Variants in SH3GL3 observed in about 807,000 individuals in gnomAD.
SH3GL3 encodes the protein SH3 domain containing GRB2 like 3, endophilin A3.
SH3GL3 carries 33 observed loss-of-function variants against 47.7 expected under a neutral mutation model. The ratio of observed to expected loss-of-function variants is 0.69; its 90% CI spans 0.52 to 0.92. The LOEUF (loss-of-function observed/expected upper bound fraction) is 0.92, where lower values mean the gene tolerates loss of function less well. SH3GL3 is among the 40% of genes least tolerant of loss of function. The probability of loss-of-function intolerance (pLI) is 0.00; values close to 1 mark genes in which losing one functional copy is unlikely to be tolerated. For missense variants in SH3GL3, 363 were observed against 417.8 expected (o/e 0.87, Z 1.14); for synonymous variants, 155 against 148.8 (o/e 1.04, Z -0.30).
chr15:83,498,009 T>C (rs1246374977), intron 1 of SH3GL3, among the ~76,000 whole-genome samples: 1 of 152,174 alleles, frequency 6.6e-6, no homozygotes, highest in African/African-American at 2.4e-5. Context: ...AGTTTGCTCT[T>C]GGTCATCTAG....
the SH3GL3 span, among the ~76,000 whole-genome samples, chr15:83,627,161 G>A: frequency 4.6e-5 from 7 of 152,236 alleles, no homozygotes; most frequent in South Asian, 1.5e-3. Flanking sequence ...ACTTTGGGAG[G>A]CCGAGGCGGG....
intron 1 of SH3GL3, among the ~76,000 whole-genome samples, chr15:83,527,856 T>A (rs2043494980): frequency 6.6e-6 from 1 of 152,164 alleles, no homozygotes; most frequent in Admixed American, 6.5e-5. Context: ...AATCTCTTTT[T>A]TTTTCCTCAT....
chr15:83,497,391 A>G (rs1011262295), intron 1 of SH3GL3, among the ~76,000 whole-genome samples: 3 of 151,862 alleles, frequency 2.0e-5, no homozygotes, highest in Non-Finnish European at 2.9e-5. Context: ...CTCTTCTTCC[A>G]CGCCCCCCTT....
At chr15:83,581,999 T>C (rs558983410) in intron 6 of SH3GL3, among the ~76,000 whole-genome samples, 15 of 152,332 alleles carry the variant, frequency 9.8e-5, no homozygotes, top group Non-Finnish European at 2.1e-4. Flanking sequence ...CCAGGCCAAG[T>C]TGGGCTTGGC....
chr15:83,588,946 A>G (rs2060021329), intron 8 of SH3GL3, among the ~76,000 whole-genome samples, 175 bp downstream of exon 8: 1 of 152,094 alleles, frequency 6.6e-6, no homozygotes, highest in Non-Finnish European at 1.5e-5. Context: ...TTCCCTGGGG[A>G]AGAATTCTAT....
Position 83,507,446 on chromosome 15 carries a change from C to T in SH3GL3, c.46-51807C>T, listed in dbSNP as rs140292550. 8.3e-3 allele frequency among the ~76,000 whole-genome samples: 1,248 copies of T among 150,274 alleles called. 11 individuals carry two copies. Among genetic ancestry groups the T allele is most frequent in the Middle Eastern group, 0.014 (4 of 286 alleles). On this transcript the variant is annotated intron_variant, in intron 1 of 8. Transcript: ENST00000427482. ...TTATTTTTTTTTTGAGAGAGAGTCTCGCTCTGTCGCCCAGGCTAGAGTGAA... is the reference window on the plus strand; with the variant it reads ...TTATTTTTTTTTTGAGAGAGAGTCTTGCTCTGTCGCCCAGGCTAGAGTGAA...
At chr15:83,490,978 C>T in intron 1 of SH3GL3, 1 of 1,602,170 alleles carries the variant, frequency 6.2e-7, no homozygotes. Context: ...CTCATCAGCA[C>T]AGAAGCACTG....
chr15:83,554,713 A>T (rs1281778980), intron 1 of SH3GL3, among the ~76,000 whole-genome samples: 1 of 152,178 alleles, frequency 6.6e-6, no homozygotes, highest in Non-Finnish European at 1.5e-5. Flanking sequence ...TAACACTTTG[A>T]TGCCATTCCT....
At chr15:83,625,392 G>T in the SH3GL3 span, among the ~76,000 whole-genome samples, 2 of 152,230 alleles carry the variant, frequency 1.3e-5, no homozygotes, top group East Asian at 3.9e-4. Context: ...TGTCTGTCCT[G>T]CATGTAACTT....
intron 1 of SH3GL3, among the ~76,000 whole-genome samples, chr15:83,529,358 C>T (rs2043562054): frequency 1.3e-5 from 2 of 151,976 alleles, no homozygotes; most frequent in Non-Finnish European, 2.9e-5. Flanking sequence ...GTCCTGGGGC[C>T]CCTGGGCAGT....
chr15:83,480,702 A>G (rs1179500618), intron 1 of SH3GL3, among the ~76,000 whole-genome samples: 13 of 152,222 alleles, frequency 8.5e-5, no homozygotes. Flanking sequence ...TCTTGTCATC[A>G]TTCCCTAAAC....
intron 1 of SH3GL3, among the ~76,000 whole-genome samples, chr15:83,515,973 T>G (rs1204976874): frequency 6.6e-6 from 1 of 152,216 alleles, no homozygotes; most frequent in Non-Finnish European, 1.5e-5. Context: ...CTAGAACAGT[T>G]TTCAGACTCT....
intron 1 of SH3GL3, among the ~76,000 whole-genome samples, chr15:83,512,961 C>A (rs2042829260): frequency 6.6e-6 from 1 of 152,162 alleles, no homozygotes; most frequent in South Asian, 2.1e-4. Flanking sequence ...TGAAAATAAT[C>A]TTTTGGAAAT....
intron 1 of SH3GL3, among the ~76,000 whole-genome samples, chr15:83,511,774 A>G (rs764609091): frequency 3.3e-5 from 5 of 152,012 alleles, no homozygotes; most frequent in East Asian, 1.9e-4. Context: ...TCCCTCACCC[A>G]GTACATCTTG....
At chr15:83,616,928 C>T (rs1293197297) in intron 8 of SH3GL3, among the ~76,000 whole-genome samples, 1 of 152,162 alleles carries the variant, frequency 6.6e-6, no homozygotes, top group Non-Finnish European at 1.5e-5. Context: ...ATTGTGAGAG[C>T]TGACAGCTAG....
At chr15:83,571,998 A>G (rs2045842109) in intron 4 of SH3GL3, among the ~76,000 whole-genome samples, 2 of 151,920 alleles carry the variant, frequency 1.3e-5, no homozygotes, top group African/African-American at 4.8e-5. Context: ...GCAGACCCCC[A>G]CCCCACCCTG....
At chr15:83,513,389 C>T (rs1045800863) in intron 1 of SH3GL3, among the ~76,000 whole-genome samples, 5 of 152,148 alleles carry the variant, frequency 3.3e-5, no homozygotes, top group African/African-American at 1.2e-4. Context: ...CCTTTTCAGG[C>T]CCCAACTCCA....
chr15:83,500,918 C>T (rs548656688), intron 1 of SH3GL3, among the ~76,000 whole-genome samples: 4 of 152,282 alleles, frequency 2.6e-5, no homozygotes, highest in East Asian at 3.9e-4. Flanking sequence ...ATCCTTGTCT[C>T]GGGCTCTGCT....
chr15:83,557,187 C>T (rs2045007105), intron 1 of SH3GL3, among the ~76,000 whole-genome samples: 1 of 152,198 alleles, frequency 6.6e-6, no homozygotes, highest in African/African-American at 2.4e-5. Context: ...TGCCACTCCC[C>T]ACCCCAGGAG....
Sources: allele counts gnomAD v4.1 joint callset (sites outside exome capture counted in the v4.1 genomes callset), GRCh38; gene constraint gnomAD v4.1.1; transcripts MANE v1.5; gene names NCBI Gene and HGNC (gene_info 2026-07-23, HGNC 2026-07-21).